Variants in LHCGR observed in about 807,000 individuals in gnomAD.
The protein encoded by LHCGR is luteinizing hormone/choriogonadotropin receptor.
Under a neutral mutation model 60.7 loss-of-function variants are expected in LHCGR, and 55 were observed. That is an observed-to-expected ratio of 0.91 (90% CI 0.73 to 1.13). The LOEUF (loss-of-function observed/expected upper bound fraction) is 1.13, where lower values mean the gene tolerates loss of function less well. Ranked by LOEUF, LHCGR falls within the 50% of genes most tolerant of loss-of-function variation. The pLI is 0.00. For synonymous variants in LHCGR, 337 were observed against 316.5 expected (o/e 1.06, Z -0.69); for missense variants, 862 against 836.0 (o/e 1.03, Z -0.38).
chr2:48,711,726 C>T (rs1173312367), intron 7 of LHCGR, among the ~76,000 whole-genome samples: 2 of 152,038 alleles, frequency 1.3e-5, no homozygotes, highest in African/African-American at 4.8e-5. Flanking sequence ...ATTTAATATT[C>T]AGTTCTTTTA....
At chr2:48,749,316 G>A (rs577218963) in intron 1 of LHCGR, among the ~76,000 whole-genome samples, 453 of 152,330 alleles carry the variant, frequency 3.0e-3, no homozygotes, top group Non-Finnish European at 5.6e-3. Flanking sequence ...CACCTGCCTG[G>A]TGGGAGGGAT....
Position 48,717,898 on chromosome 2 carries a change from C to T in LHCGR, c.537-3844G>A, listed in dbSNP as rs940515404. On this transcript the variant is annotated intron_variant, in intron 6 of 10. Transcript: ENST00000294954. ...CTGCTTGTCTCAACTTTCTAAACAA[C>T]GTGGCCCACTGTTTCAGTTGCTCTT... 6.5e-5 allele frequency among the ~76,000 whole-genome samples: 9 copies of T among 138,216 alleles called. No individual in the cohort carries two copies. In the South Asian group the frequency reaches 9.5e-4, roughly 15 times the overall value. 90.7% of individuals were successfully genotyped at this position (138,216 alleles called of 152,430 possible).
chr2:48,723,668 A>G lies in LHCGR; in HGVS notation c.412T>C (p.Phe138Leu). The G allele has an allele frequency of 6.2e-7, 1 of 1,613,884 alleles. No homozygotes were observed. The stretch of plus-strand genomic sequence containing the variant: ...GAGAAGACCTTCGTAACATCTGGAA[A>G]CTTTCTGATGCCTGTGTTACAGATG... Reference protein sequence around the residue: ...LSICNTGIRKFPDVTKVFSSE... With the variant: ...LSICNTGIRKLPDVTKVFSSE... Residue 138 changes from phenylalanine to leucine, a missense_variant, in exon 5 of 11, where the codon TTT becomes CTT. Physicochemically the swap from Phe to Leu is conservative, Grantham distance 22 (BLOSUM62 0). Coordinates refer to ENST00000294954, the MANE Select transcript of LHCGR (RefSeq NM_000233.4).
chr2:48,751,253 ATT>A lies in LHCGR; in HGVS notation c.161+4256_161+4257del, dbSNP rs59520741. ...TATTAGTCAATAACTACATATTGGG[ATT>A]TTTTTTTCTTTTTGCACAACGTCTG... On this transcript the variant is annotated intron_variant, in intron 1 of 10. Coordinates refer to ENST00000294954, the MANE Select transcript of LHCGR (RefSeq NM_000233.4). Among the ~76,000 whole-genome samples the A allele has an allele frequency of 2.0e-5, 3 of 151,652 alleles. No homozygotes were observed. The East Asian group carries it at 5.8e-4, about 29-fold the overall frequency.
chr2:48,726,695 A>G (rs1382667252), intron 3 of LHCGR, among the ~76,000 whole-genome samples: 2 of 152,250 alleles, frequency 1.3e-5, no homozygotes, highest in African/African-American at 4.8e-5. Flanking sequence ...TGGGCTCTGG[A>G]GTCAACTTGG....
intron 8 of LHCGR, among the ~76,000 whole-genome samples, chr2:48,699,962 A>G (rs1667326841): frequency 6.6e-6 from 1 of 152,234 alleles, no homozygotes; most frequent in South Asian, 2.1e-4. Context: ...TCCCCTCAGC[A>G]ATCATTCCCA....
At chr2:48,746,175 A>G (rs1262753454) in intron 1 of LHCGR, among the ~76,000 whole-genome samples, 1 of 152,220 alleles carries the variant, frequency 6.6e-6, no homozygotes, top group East Asian at 1.9e-4. Context: ...CCTAGGCTAC[A>G]TTTTATGACA....
At chr2:48,749,267 G>A (rs1030929005) in intron 1 of LHCGR, among the ~76,000 whole-genome samples, 2 of 152,200 alleles carry the variant, frequency 1.3e-5, no homozygotes, top group Admixed American at 6.5e-5. Context: ...AGGACCCTGT[G>A]GAGAAGCAGC....
Position 48,755,662 on chromosome 2 carries a change from G to A in LHCGR, c.10C>T (p.Arg4Trp). ...TTCAGCAGCTGCAGCGCCGAGAACCGCTGCTTCATGGCCGGCGAACTGGGC... is the reference window on the plus strand; with the variant it reads ...TTCAGCAGCTGCAGCGCCGAGAACCACTGCTTCATGGCCGGCGAACTGGGC... MKQ[R>W]FSALQLLKLL... The change falls in exon 1 of 11, where the codon CGG becomes TGG. Residue 4 changes from arginine to tryptophan, a missense_variant. Coordinates refer to ENST00000294954, the MANE Select transcript of LHCGR (RefSeq NM_000233.4). The A allele has an allele frequency of 6.5e-7, 1 of 1,535,446 alleles. No individual in the cohort carries two copies. The highest frequency in any genetic ancestry group is 1.4e-5 in the African/African-American group (1 of 73,084).
intron 3 of LHCGR, among the ~76,000 whole-genome samples, chr2:48,727,889 A>G (rs1389989264): frequency 6.6e-6 from 1 of 152,172 alleles, no homozygotes; most frequent in African/African-American, 2.4e-5. Context: ...GTAATTATTC[A>G]TTGGGTCATT....
intron 7 of LHCGR, among the ~76,000 whole-genome samples, chr2:48,709,855 G>A (rs947784929): frequency 1.3e-5 from 2 of 152,116 alleles, no homozygotes; most frequent in African/African-American, 2.4e-5. Context: ...TTGAGTAGTC[G>A]AGGGAGCTAG....
intron 6 of LHCGR, chr2:48,721,500 T>C (rs1274898510): frequency 9.8e-6 from 3 of 304,708 alleles, no homozygotes; most frequent in Non-Finnish European, 6.6e-6. Context: ...CTGTATTCTT[T>C]TGATTGCATT....
At chr2:48,697,384 T>C (rs1047009673) in intron 9 of LHCGR, among the ~76,000 whole-genome samples, 117 of 152,352 alleles carry the variant, frequency 7.7e-4, no homozygotes, top group Non-Finnish European at 1.4e-3. Context: ...GACTTAAATA[T>C]TGGCTCTCTT....
At chr2:48,694,010 C>A (rs975520281) in intron 10 of LHCGR, among the ~76,000 whole-genome samples, 3 of 151,906 alleles carry the variant, frequency 2.0e-5, no homozygotes, top group African/African-American at 7.2e-5. Context: ...TATTAAGGAA[C>A]ATTTTAAAAT....
In LHCGR at chr2:48,690,939, A is replaced by G. The variant is rs527451409; in HGVS notation, c.948-2090T>C. On this transcript the variant is annotated intron_variant, in intron 10 of 10. Transcript: ENST00000294954. ...CATTCAATACATGTTTGTAGAGTGA[A>G]TAATTCTAAACCAGGATGATTCTAG... 5.3e-5 allele frequency among the ~76,000 whole-genome samples: 8 copies of G among 152,358 alleles called. 2 individuals carry two copies. Among genetic ancestry groups the G allele is most frequent in the African/African-American group, 1.9e-4 (8 of 41,590 alleles).
chr2:48,695,985 T>G (rs1318562557), intron 9 of LHCGR, among the ~76,000 whole-genome samples: 1 of 152,150 alleles, frequency 6.6e-6, no homozygotes, highest in Non-Finnish European at 1.5e-5. Context: ...AACTGGTACA[T>G]GTACCCCCTG....
intron 10 of LHCGR, among the ~76,000 whole-genome samples, chr2:48,690,961 C>G (rs1001779365): frequency 2.0e-5 from 3 of 152,176 alleles, no homozygotes; most frequent in African/African-American, 7.2e-5. Context: ...CAGGATGATT[C>G]TAGCTCTGAA....
chr2:48,723,857 T>C (rs1668607521), intron 4 of LHCGR, among the ~76,000 whole-genome samples, 161 bp from the exon 5 acceptor site: 1 of 152,248 alleles, frequency 6.6e-6, no homozygotes, highest in Non-Finnish European at 1.5e-5. Flanking sequence ...TACTTTTAGC[T>C]GAGAAAGATT....
At chr2:48,725,792 T>A in intron 3 of LHCGR, 42 bp from the exon 4 acceptor site, 1 of 1,448,704 alleles carries the variant, frequency 6.9e-7, no homozygotes, top group Non-Finnish European at 9.7e-7. Flanking sequence ...GTTTAATAGA[T>A]GTGTATTGTT....
Sources: gnomAD v4.1 joint callset for allele counts (sites outside exome capture counted in the v4.1 genomes callset) on GRCh38, gnomAD v4.1.1 for gene constraint, MANE v1.5 for transcripts, NCBI Gene and HGNC (gene_info 2026-07-23, HGNC 2026-07-21) for gene names.